Variants in PCDHGA1 observed in about 807,000 individuals in gnomAD.
The protein encoded by PCDHGA1 is protocadherin gamma-A1.
PCDHGA1 carries 32 observed loss-of-function variants against 58.0 expected under a neutral mutation model. The observed-to-expected ratio is 0.55, with a 90% confidence interval of 0.42 to 0.74. The LOEUF is 0.74. Among genes scored for constraint, PCDHGA1 ranks in the 30% least tolerant of loss-of-function variants. PCDHGA1 has a pLI of 0.00. For missense variants in PCDHGA1, 1,205 were observed against 1,182.3 expected (o/e 1.02, Z -0.28); for synonymous variants, 498 against 501.1 (o/e 0.99, Z 0.08).
At chr5:141,461,799 G>T (rs1025237561) in intron 1 of PCDHGA1, among the ~76,000 whole-genome samples, 5 of 151,188 alleles carry the variant, frequency 3.3e-5, no homozygotes, top group Admixed American at 1.3e-4. Context: ...GATTACAGGT[G>T]CCCACCACCA....
chr5:141,366,803 T>C, intron 1 of PCDHGA1: 1 of 1,562,322 alleles, frequency 6.4e-7, no homozygotes. Context: ...TTTGTTTCCT[T>C]TTTCATGTTT....
At chr5:141,349,862 C>G (rs1007140667) in intron 1 of PCDHGA1, among the ~76,000 whole-genome samples, 1 of 151,862 alleles carries the variant, frequency 6.6e-6, no homozygotes, top group African/African-American at 2.4e-5. Context: ...AAAAAGAATA[C>G]GAAATGATGA....
chr5:141,421,424 G>T lies in PCDHGA1; in HGVS notation c.2422-73383G>T, dbSNP rs369037131. 2.2e-5 allele frequency: 35 copies of T among 1,613,974 alleles called. No individual in the cohort carries two copies. The African/African-American group carries it at 3.9e-4, about 18-fold the overall frequency. ...CGGGAGCTGGCGAAGCGCGGAGTCC[G>T]CATCGTCTCCAGAGGGAAGACACAG... is the stretch of plus-strand genomic sequence containing the variant. On this transcript the variant is annotated intron_variant, in intron 1 of 3. Transcript: ENST00000517417.
rs118080774 is a variant in PCDHGA1, at chr5:141,422,026, G to A, written c.2422-72781G>A. On this transcript the variant is annotated intron_variant, in intron 1 of 3. Coordinates refer to ENST00000517417, the MANE Select transcript of PCDHGA1 (RefSeq NM_018912.3). ...CGGAACTCGGGTGCTGATGGTTAAT[G>A]CAACGGATCCAGACGAGGGAATCAA... 69 of 1,611,394 alleles carry A rather than the reference G, an allele frequency of 4.3e-5. No individual in the cohort carries two copies. The East Asian group carries it at 1.4e-3, about 32-fold the overall frequency.
intron 1 of PCDHGA1, chr5:141,399,082 G>A: frequency 6.2e-7 from 1 of 1,613,822 alleles, no homozygotes; most frequent in East Asian, 2.2e-5. Flanking sequence ...AGAAGGGAGG[G>A]ATGGTGGTGG....
At chr5:141,344,763 C>A in intron 1 of PCDHGA1, 1 of 1,614,014 alleles carries the variant, frequency 6.2e-7, no homozygotes, top group South Asian at 1.1e-5. Context: ...AATGTTTACT[C>A]AGCCTGAGTA....
intron 1 of PCDHGA1, among the ~76,000 whole-genome samples, chr5:141,359,276 A>G (rs1344985076): frequency 6.6e-6 from 1 of 152,168 alleles, no homozygotes; most frequent in Non-Finnish European, 1.5e-5. Flanking sequence ...GAAATGCTCA[A>G]TTGGTCTGAA....
Position 141,489,195 on chromosome 5 carries a change from A to G in PCDHGA1, c.2422-5612A>G, listed in dbSNP as rs200660227. ...ATTCCAAGCCCTGGGTCTACCTTGG[A>G]GACAGGACAGCACAGACTTACTCTC... is the stretch of plus-strand genomic sequence containing the variant. On this transcript the variant is annotated intron_variant, in intron 1 of 3. Transcript: ENST00000517417. This position sits in a 1 kb window ranked among gnomAD's most constrained non-coding sequence, Gnocchi z 4.5. 1.8e-5 allele frequency: 25 copies of G among 1,383,116 alleles called. No individual in the cohort carries two copies. The East Asian group carries it at 4.8e-4, about 27-fold the overall frequency. 85.7% of individuals were successfully genotyped at this position (1,383,116 alleles called of 1,614,324 possible). A position where few individuals can be genotyped will look rare whatever the true frequency, so the allele number is the denominator to read the frequency against.
chr5:141,341,960 T>C, intron 1 of PCDHGA1: 1 of 156,788 alleles, frequency 6.4e-6, no homozygotes, highest in Non-Finnish European at 1.4e-5. Context: ...AAATATACAT[T>C]CCTTACAGTG....
intron 1 of PCDHGA1, chr5:141,427,535 C>T (rs746067304): frequency 8.0e-6 from 5 of 626,498 alleles, no homozygotes; most frequent in South Asian, 7.6e-5. Flanking sequence ...CGGAGTACAA[C>T]GTCACCATCA....
At chr5:141,357,751 C>T (rs921267826) in intron 1 of PCDHGA1, 33 of 1,131,562 alleles carry the variant, frequency 2.9e-5, no homozygotes, top group Non-Finnish European at 3.9e-5. Flanking sequence ...TTAAAGAAAA[C>T]TGGTGGATGA....
chr5:141,395,538 TTGTTTGTG>T (rs2093252084), intron 1 of PCDHGA1: 3 of 225,786 alleles, frequency 1.3e-5, no homozygotes, highest in South Asian at 6.0e-5. Flanking sequence ...AATTTTGCTA[TTGTTTGTG>T]TGTGTGTGTG....
At chr5:141,375,474 A>G (rs369592332) in intron 1 of PCDHGA1, 1 of 1,613,772 alleles carries the variant, frequency 6.2e-7, no homozygotes, top group African/African-American at 1.3e-5. Flanking sequence ...GTCCTTGAAA[A>G]CAACCCCAGG....
chr5:141,491,857 G>A lies in PCDHGA1; in HGVS notation c.2422-2950G>A. Reference sequence around the variant, plus strand: ...CTCGGGATCATTGGACCGTTTGCGCGAAACCAGAGTGGCCGATTAAGGGAT... The same window carrying A: ...CTCGGGATCATTGGACCGTTTGCGCAAAACCAGAGTGGCCGATTAAGGGAT... On this transcript the variant is annotated intron_variant, in intron 1 of 3. Transcript: ENST00000517417. This position sits in a 1 kb window ranked among gnomAD's most constrained non-coding sequence, Gnocchi z 6.9. The A allele has an allele frequency of 6.9e-7, 1 of 1,457,470 alleles. No homozygotes were observed. The highest frequency in any genetic ancestry group is 1.5e-5 in the South Asian group (1 of 68,508). The allele number at this position is 1,457,470 out of a possible 1,614,324, so 90.3% of individuals were successfully genotyped here. A position where few individuals can be genotyped will look rare whatever the true frequency, so the allele number is the denominator to read the frequency against.
chr5:141,398,663 C>T (rs2150753348), intron 1 of PCDHGA1: 2 of 1,614,016 alleles, frequency 1.2e-6, no homozygotes, highest in Non-Finnish European at 1.7e-6. Context: ...CCAAGTTTCT[C>T]ATTAATAATT....
chr5:141,345,258 T>C, intron 1 of PCDHGA1: 1 of 1,613,918 alleles, frequency 6.2e-7, no homozygotes, highest in Non-Finnish European at 8.5e-7. Context: ...GACGGCCACA[T>C]CCCTGGACCG....
rs369637121 is a variant in PCDHGA1 at position 141,388,619 on chromosome 5, C to G, written c.2421+55514C>G. ...ATAATGCTCCAGTGTTCAGTCAAGA[C>G]GTATACAGGGTGAGCCTTTCAGAAA... On this transcript the variant is annotated intron_variant, in intron 1 of 3. Transcript: ENST00000517417. 18 of 1,613,852 alleles carry G rather than the reference C, an allele frequency of 1.1e-5. No individual in the cohort carries two copies. The African/African-American group carries it at 1.7e-4, about 16-fold the overall frequency.
At chr5:141,390,039 C>A (rs2092026934) in intron 1 of PCDHGA1, 2 of 1,614,048 alleles carry the variant, frequency 1.2e-6, no homozygotes, top group Non-Finnish European at 1.7e-6. Flanking sequence ...CTCCTCCAGC[C>A]CCGCCTCCTG....
At chr5:141,464,682 T>C (rs1442997972) in intron 1 of PCDHGA1, among the ~76,000 whole-genome samples, 1 of 152,132 alleles carries the variant, frequency 6.6e-6, no homozygotes, top group Non-Finnish European at 1.5e-5. Flanking sequence ...TTAATTAAAA[T>C]TTCTCTTATT....
Sources: allele counts gnomAD v4.1 joint callset (sites outside exome capture counted in the v4.1 genomes callset), GRCh38; gene constraint gnomAD v4.1.1; non-coding constraint Gnocchi (gnomAD v3.1); transcripts MANE v1.5; gene names NCBI Gene and HGNC (gene_info 2026-07-23, HGNC 2026-07-21).